The following ZNF836 variants were observed in gnomAD, a reference collection of about 807,000 sequenced individuals.
The protein encoded by ZNF836 is zinc finger protein 836.
In ZNF836, 12 loss-of-function variants were observed where a neutral mutation model predicts 7.4. The ratio of observed to expected loss-of-function variants is 1.61; its 90% CI spans 1.03 to 2.61. ZNF836 has a LOEUF of 2.61. Ranked by LOEUF, ZNF836 falls within the 30% of genes most tolerant of loss-of-function variation. The pLI is 0.00. For missense variants in ZNF836, 998 were observed against 1,126.2 expected (o/e 0.89, Z 1.63); for synonymous variants, 365 against 382.6 (o/e 0.95, Z 0.54).
chr19:52,156,012 A>G lies in ZNF836; in HGVS notation c.1671T>C (p.Asn557=). ...IHTGEQPYKC[N]VCGKVFNYSG... ...TGTAATTGAAGACCTTGCCACACAC[A>G]TTACATTTGTAAGGTTGCTCCCCAG... The change falls in exon 5 of 5, where the codon AAT becomes AAC. Residue 557 remains asparagine (N), a synonymous_variant. Coordinates refer to ENST00000682614, the MANE Select transcript of ZNF836 (RefSeq NM_001102657.3). 5.6e-6 allele frequency: 9 copies of G among 1,614,056 alleles called. No individual in the cohort carries two copies. The highest frequency in any genetic ancestry group is 7.6e-6 in the Non-Finnish European group (9 of 1,179,904).
chr19:52,170,344 TA>T (rs992965933), intron 1 of ZNF836: 121 of 152,514 alleles, frequency 7.9e-4, no homozygotes, highest in Middle Eastern at 3.4e-3. Flanking sequence ...CTCTCCTTGT[TA>T]AAATTCCCTC....
intron 1 of ZNF836, chr19:52,170,269 C>G (rs1197062412): frequency 6.6e-6 from 1 of 152,246 alleles, no homozygotes; most frequent in Non-Finnish European, 1.5e-5. Context: ...TCTCCCCAAT[C>G]TTTCTGATTG....
chr19:52,162,903 T>G (rs1331797476), intron 3 of ZNF836, among the ~76,000 whole-genome samples: 1 of 152,198 alleles, frequency 6.6e-6, no homozygotes, highest in Non-Finnish European at 1.5e-5. Context: ...AGTGGAATGC[T>G]AAGTTGATCA....
rs373715123 is a variant in ZNF836 at position 52,166,635 on chromosome 19, A to G, written c.15+1423T>C. Among the ~76,000 whole-genome samples the G allele has an allele frequency of 4.8e-5, 7 of 145,848 alleles. No individual in the cohort carries two copies. The South Asian group carries it at 6.5e-4, about 13-fold the overall frequency. ...GTCGCCCAGGCTGGAGTGCAGTGGC[A>G]CGATCTCGGCTCACTGCAAGCTCCA... On this transcript the variant is annotated intron_variant, in intron 3 of 4. Transcript: ENST00000682614.
chr19:52,156,232 T>C lies in ZNF836; in HGVS notation c.1451A>G (p.His484Arg). The change falls in exon 5 of 5, where the codon CAT (histidine) becomes CGT (arginine). Residue 484 changes from histidine to arginine, a missense_variant. Transcript: ENST00000682614. ...ECGKVFSQTSHLVGHRRIHTG... is the reference protein window; with the variant it reads ...ECGKVFSQTSRLVGHRRIHTG... ...ATGAATTCTCCGATGCCCCACAAGA[T>C]GTGAAGTCTGACTGAAGACCTTGCC... 2 of 1,614,206 alleles carry C rather than the reference T, an allele frequency of 1.2e-6. No individual in the cohort carries two copies. Among genetic ancestry groups the C allele is most frequent in the Non-Finnish European group, 8.5e-7 (1 of 1,180,014 alleles).
At chr19:52,163,450 A>C (rs1168214453) in intron 3 of ZNF836, among the ~76,000 whole-genome samples, 1 of 152,202 alleles carries the variant, frequency 6.6e-6, no homozygotes, top group East Asian at 1.9e-4. Flanking sequence ...GAGTGTTTCT[A>C]ACAAACATCT....
rs775232453 is a variant in ZNF836 at position 52,155,018 on chromosome 19, GT to G, written c.2664del (p.Lys888AsnfsTer40). 6 of 1,613,964 alleles carry G rather than the reference GT, an allele frequency of 3.7e-6. No individual in the cohort carries two copies. In the African/African-American group the frequency reaches 8.0e-5, roughly 22 times the overall value. ...NKHQMIHSGE[K>X]PYKCNECGKS... is the part of the protein sequence containing the mutation. ...TTGCCACACTCATTACATTTATAAG[GT>G]TTTTCTCCAGAATGAATCATTTGGT... is the stretch of plus-strand genomic sequence containing the variant. On this transcript the variant is annotated frameshift_variant, in exon 5 of 5. Transcript: ENST00000682614. LOFTEE classifies it low-confidence loss of function (END_TRUNC).
intron 3 of ZNF836, among the ~76,000 whole-genome samples, chr19:52,163,051 T>C (rs1237418394): frequency 6.6e-6 from 1 of 152,094 alleles, no homozygotes; most frequent in Non-Finnish European, 1.5e-5. Context: ...AGACCTGAGG[T>C]ATCAGAGTTC....
intron 3 of ZNF836, among the ~76,000 whole-genome samples, chr19:52,166,781 T>G (rs1044881880): frequency 4.6e-5 from 7 of 150,792 alleles, no homozygotes; most frequent in Non-Finnish European, 1.0e-4. Context: ...GGGTTTCACC[T>G]TGTTAGCCAG....
chr19:52,157,007 CT>C lies in ZNF836; in HGVS notation c.675del (p.Ala226ProfsTer36). On this transcript the variant is annotated frameshift_variant, in exon 5 of 5. Transcript: ENST00000682614. LOFTEE classifies it low-confidence loss of function (END_TRUNC). Reference sequence around the variant, plus strand: ...ATAAGACTTGAAGACACTCTAAAGGCTTTGCCACACCCTTTACACATATAAG... The same window carrying C: ...ATAAGACTTGAAGACACTCTAAAGGCTTGCCACACCCTTTACACATATAAG... ...EKPYMCKGCG[K>X]AFRVSSSLIN... 6.2e-7 allele frequency: 1 copy of C among 1,614,188 alleles called. No homozygotes were observed. The highest frequency in any genetic ancestry group is 8.5e-7 in the Non-Finnish European group (1 of 1,180,028).
In ZNF836 at chr19:52,155,855, A is replaced by T; in HGVS notation, c.1828T>A (p.Tyr610Asn). 1 of 1,614,048 alleles carries T rather than the reference A, an allele frequency of 6.2e-7. No individual in the cohort carries two copies. The highest frequency in any genetic ancestry group is 8.5e-7 in the Non-Finnish European group (1 of 1,179,912). The change falls in exon 5 of 5, where the codon TAC (tyrosine) becomes AAC (asparagine). Residue 610 changes from tyrosine to asparagine, a missense_variant. By Grantham distance (143) the Tyr-to-Asn change is moderately radical. Transcript: ENST00000682614. The stretch of plus-strand genomic sequence containing the variant: ...ACCTTGCCACACACATTACATTTGT[A>T]AGGTTTCTGCCCAGTATGAATTCTT... ...HLRIHTGQKP[Y>N]KCNVCGKVFN...
rs776454098 is a variant in ZNF836 at position 52,160,559 on chromosome 19, T to C, written c.48A>G (p.Glu16=). The C allele has an allele frequency of 2.5e-6, 4 of 1,613,362 alleles. No homozygotes were observed. The South Asian group carries it at 4.4e-5, about 18-fold the overall frequency. Residue 16 remains glutamate, a synonymous_variant, in exon 4 of 5, where the codon GAA becomes GAG. Coordinates refer to ENST00000682614, the MANE Select transcript of ZNF836 (RefSeq NM_001102657.3). ...GPLTFRDVAI[E]FSQEEWKSLD... is the part of the protein sequence containing the mutation. ...GGGATTTCCACTCCTCCTGAGAGAA[T>C]TCTATGGCTACATCCCTGAATGTCA...
intron 4 of ZNF836, among the ~76,000 whole-genome samples, chr19:52,159,457 CCAAA>C (rs1167684521): frequency 6.6e-5 from 10 of 152,230 alleles, no homozygotes; most frequent in South Asian, 4.1e-4. Context: ...ATAAAACTGG[CCAAA>C]CAGTCAGTGC....
intron 3 of ZNF836, chr19:52,165,215 T>G (rs1470973045): frequency 6.6e-6 from 1 of 152,222 alleles, no homozygotes; most frequent in Non-Finnish European, 1.5e-5. Flanking sequence ...CATTTATTTA[T>G]TTTTGCTTTT....
rs1249705826 is a variant in ZNF836, at chr19:52,154,327, G to C, written c.*545C>G. Among the ~76,000 whole-genome samples, 1 of 152,106 alleles carries C rather than the reference G, an allele frequency of 6.6e-6. No individual in the cohort carries two copies. Among genetic ancestry groups the C allele is most frequent in the Non-Finnish European group, 1.5e-5 (1 of 68,008 alleles). ...AACCTCCCTAAATGCTGGGATTACA[G>C]GCATGACCCACCATGCCTAACGTGC... On this transcript the variant is annotated 3_prime_UTR_variant, in exon 5 of 5. Coordinates refer to ENST00000682614, the MANE Select transcript of ZNF836 (RefSeq NM_001102657.3).
intron 4 of ZNF836, 149 bp from the exon 5 acceptor site, chr19:52,157,689 G>A (rs1183802753): frequency 7.6e-6 from 5 of 661,672 alleles, no homozygotes; most frequent in Non-Finnish European, 1.1e-5. Context: ...TTCTGCCTCA[G>A]CCTCCTGAGT....
chr19:52,156,116 C>T lies in ZNF836; in HGVS notation c.1567G>A (p.Glu523Lys). The change falls in exon 5 of 5, where the codon GAG (glutamate) becomes AAG (lysine). Residue 523 changes from glutamate to lysine, a missense_variant. Transcript: ENST00000682614. ...LTRHKIIHTR[E>K]KRYQCGECGK... Reference sequence around the variant, plus strand: ...CATTCACCGCATTGGTAACGTTTCTCTCTGGTATGAATTATCTTATGTCGA... The same window carrying T: ...CATTCACCGCATTGGTAACGTTTCTTTCTGGTATGAATTATCTTATGTCGA... 1 of 1,614,082 alleles carries T rather than the reference C, an allele frequency of 6.2e-7. No homozygotes were observed. The highest frequency in any genetic ancestry group is 8.5e-7 in the Non-Finnish European group (1 of 1,179,952).
chr19:52,167,472 CAAAAA>C (rs1165727472), intron 3 of ZNF836, among the ~76,000 whole-genome samples: 2 of 44,124 alleles, frequency 4.5e-5, no homozygotes, highest in African/African-American at 9.6e-5. Flanking sequence ...AACTCCGTCT[CAAAAA>C]AAAAAAAAAA....
Position 52,171,323 on chromosome 19 carries a change from T to G in ZNF836, c.-215+13A>C, listed in dbSNP as rs1262971448. ...GATTTTTAAACCGAAAGGGAAGCAA[T>G]TATCAGACTTACTTGGGGCGAAGGG... is the stretch of plus-strand genomic sequence containing the variant. On this transcript the variant is annotated intron_variant, in intron 1 of 4. Coordinates refer to ENST00000682614, the MANE Select transcript of ZNF836 (RefSeq NM_001102657.3). 6.6e-6 allele frequency: 1 copy of G among 152,370 alleles called. No homozygotes were observed. The highest frequency in any genetic ancestry group is 1.5e-5 in the Non-Finnish European group (1 of 68,222). 9.4% of individuals were successfully genotyped at this position (152,370 alleles called of 1,614,324 possible). A position where few individuals can be genotyped will look rare whatever the true frequency, so the allele number is the denominator to read the frequency against.
Sources: gnomAD v4.1 joint callset for allele counts (sites outside exome capture counted in the v4.1 genomes callset) on GRCh38, gnomAD v4.1.1 for gene constraint, MANE v1.5 for transcripts, NCBI Gene and HGNC (gene_info 2026-07-23, HGNC 2026-07-21) for gene names.